Variants in LYPD1 observed in about 807,000 individuals in gnomAD.
LYPD1 encodes the protein ly6/PLAUR domain-containing protein 1.
Under a neutral mutation model 14.2 loss-of-function variants are expected in LYPD1, and 14 were observed. That is an observed-to-expected ratio of 0.99 (90% CI 0.65 to 1.54). The LOEUF (loss-of-function observed/expected upper bound fraction) is 1.54. Among genes scored for constraint, LYPD1 ranks in the 40% most tolerant of loss-of-function variants. LYPD1 has a pLI of 0.00. For missense variants in LYPD1, 165 were observed against 175.7 expected, an observed-to-expected ratio of 0.94 and a Z score of 0.34; for synonymous variants, 85 against 70.6, an observed-to-expected ratio of 1.20 and a Z score of -1.02.
intron 2 of LYPD1, among the ~76,000 whole-genome samples, chr2:132,651,914 G>A (rs1056929582): frequency 6.6e-6 from 1 of 152,204 alleles, no homozygotes. Context: ...ACACGATGAG[G>A]CATCTCTGAA....
intron 2 of LYPD1, among the ~76,000 whole-genome samples, chr2:132,648,154 T>A (rs943259535): frequency 1.3e-5 from 2 of 152,254 alleles, no homozygotes; most frequent in African/African-American, 4.8e-5. Flanking sequence ...TCCATGGCCC[T>A]TTTTAGGAAA....
upstream of LYPD1, chr2:132,671,110 G>T (rs1180158530): frequency 6.6e-6 from 1 of 152,452 alleles, no homozygotes; most frequent in Non-Finnish European, 1.5e-5. Flanking sequence ...CCCAGCCTCG[G>T]ACTCGGCCTC....
At chr2:132,646,441 A>AGAT in intron 2 of LYPD1, 161 bp from the exon 3 acceptor site, 1 of 420,472 alleles carries the variant, frequency 2.4e-6, no homozygotes, top group Non-Finnish European at 4.2e-6. Flanking sequence ...TTGATATTCA[A>AGAT]GATAGATGGT....
chr2:132,648,047 C>T (rs375187024), intron 2 of LYPD1, among the ~76,000 whole-genome samples: 36 of 152,120 alleles, frequency 2.4e-4, no homozygotes, highest in African/African-American at 8.0e-4. Flanking sequence ...AAGATAAAGT[C>T]GAGGTACAGA....
intron 2 of LYPD1, among the ~76,000 whole-genome samples, chr2:132,654,849 A>G (rs1682497857): frequency 6.6e-6 from 1 of 151,956 alleles, no homozygotes; most frequent in African/African-American, 2.4e-5. Flanking sequence ...ACCAGGTTCA[A>G]GTGATTTTCC....
Position 132,644,114 on chromosome 2 carries a change from G to GTAAC in LYPD1, c.*1927_*1930dup, listed in dbSNP as rs1681932604. 2.6e-5 allele frequency among the ~76,000 whole-genome samples: 4 copies of GTAAC among 152,314 alleles called. No homozygotes were observed. The South Asian group carries it at 8.3e-4, about 32-fold the overall frequency. On this transcript the variant is annotated 3_prime_UTR_variant, in exon 3 of 3. Coordinates refer to ENST00000397463, the MANE Select transcript of LYPD1 (RefSeq NM_144586.7). ...TTTGTTCTTTTTTGCTTTTGTCACT[G>GTAAC]TAACTAAACTCTCATGATACCTGTG...
At chr2:132,650,790 A>G (rs988205793) in intron 2 of LYPD1, among the ~76,000 whole-genome samples, 1 of 152,112 alleles carries the variant, frequency 6.6e-6, no homozygotes, top group Admixed American at 6.6e-5. Context: ...ATGCAGTTTT[A>G]AGAGCTTTAT....
intron 2 of LYPD1, among the ~76,000 whole-genome samples, chr2:132,648,469 T>C (rs1682230950): frequency 9.7e-6 from 1 of 102,578 alleles, no homozygotes; most frequent in Non-Finnish European, 1.9e-5. Flanking sequence ...AAAGTCCGTG[T>C]GTTTGCACAC....
intron 2 of LYPD1, among the ~76,000 whole-genome samples, chr2:132,648,364 C>T (rs776045834): frequency 2.6e-5 from 4 of 152,216 alleles, no homozygotes; most frequent in Non-Finnish European, 4.4e-5. Context: ...CCAGGCCCTC[C>T]GCCGTGTTCC....
intron 2 of LYPD1, among the ~76,000 whole-genome samples, chr2:132,647,503 T>G (rs1048406776): frequency 6.6e-6 from 1 of 152,204 alleles, no homozygotes; most frequent in African/African-American, 2.4e-5. Context: ...CGACTAACTT[T>G]TGTAGTTTTA....
intron 1 of LYPD1, among the ~76,000 whole-genome samples, chr2:132,668,955 G>A (rs1683456698): frequency 6.6e-6 from 1 of 152,232 alleles, no homozygotes; most frequent in Admixed American, 6.5e-5. Context: ...GGCACCATTC[G>A]TGATTACATT....
Position 132,646,171 on chromosome 2 carries a change from G to T in LYPD1, c.300C>A (p.Cys100Ter). 1.2e-6 allele frequency: 2 copies of T among 1,611,216 alleles called. No individual in the cohort carries two copies. The highest frequency in any genetic ancestry group is 1.7e-6 in the Non-Finnish European group (2 of 1,178,440). ...PGKLNSVCIS[C>*]CNTPLCNGPR... is the part of the protein sequence containing the mutation. ...GCCCGTTACAAAGAGGGGTGTTGCAGCAGCTGATGCAAACTGAGTTCAGTT... is the reference window on the plus strand; with the variant it reads ...GCCCGTTACAAAGAGGGGTGTTGCATCAGCTGATGCAAACTGAGTTCAGTT... Residue 100 changes from cysteine to a stop codon, truncating the protein, a stop_gained, in exon 3 of 3, where the codon TGC (cysteine) becomes TGA (stop). Transcript: ENST00000397463. LOFTEE classifies it high-confidence loss of function.
rs777547577 is a variant in LYPD1 at position 132,645,205 on chromosome 2, G to T, written c.*840C>A. 1.2e-6 allele frequency: 2 copies of T among 1,614,124 alleles called. No homozygotes were observed. The highest frequency in any genetic ancestry group is 1.1e-5 in the South Asian group (1 of 91,074). On this transcript the variant is annotated 3_prime_UTR_variant, in exon 3 of 3. Transcript: ENST00000397463. ...CGACTGGACGAGGTCCTACTTCCGGGCGTACATGATCCTCCTCCCCTTCTC... is the reference window on the plus strand; with the variant it reads ...CGACTGGACGAGGTCCTACTTCCGGTCGTACATGATCCTCCTCCCCTTCTC...
At position 132,645,615 on chromosome 2, in the gene LYPD1, C is replaced by A; in HGVS notation, c.*430G>T. 1.2e-6 allele frequency: 2 copies of A among 1,604,766 alleles called. No homozygotes were observed. The highest frequency in any genetic ancestry group is 1.7e-6 in the Non-Finnish European group (2 of 1,175,244). On this transcript the variant is annotated 3_prime_UTR_variant, in exon 3 of 3. Coordinates refer to ENST00000397463, the MANE Select transcript of LYPD1 (RefSeq NM_144586.7). Reference sequence around the variant, plus strand: ...AGGAGCATGAAGTTTGAATGTCAAGCGAGGGAGCCTTGAGTGGGAACTGGC... The same window carrying A: ...AGGAGCATGAAGTTTGAATGTCAAGAGAGGGAGCCTTGAGTGGGAACTGGC...
chr2:132,650,241 G>A (rs1682304273), intron 2 of LYPD1, among the ~76,000 whole-genome samples: 1 of 152,134 alleles, frequency 6.6e-6, no homozygotes, highest in Non-Finnish European at 1.5e-5. Flanking sequence ...TAAGAAGAAT[G>A]CAAATTAAAA....
chr2:132,668,397 T>C lies in LYPD1; in HGVS notation c.190+3A>G, dbSNP rs2104929720. 1.2e-6 allele frequency: 2 copies of C among 1,603,434 alleles called. No individual in the cohort carries two copies. Among genetic ancestry groups the C allele is most frequent in the African/African-American group, 2.7e-5 (2 of 74,540 alleles). On this transcript the variant is annotated splice_donor_region_variant and intron_variant, in intron 2 of 2. Coordinates refer to ENST00000397463, the MANE Select transcript of LYPD1 (RefSeq NM_144586.7). ...GCGAGGGGGAGGGCTGCCAGGCTCT[T>C]ACCGGCACTTTGCTCCATCACTTCT...
chr2:132,656,525 A>T lies in LYPD1; in HGVS notation c.191-10245T>A, dbSNP rs570241642. 1.2e-4 allele frequency among the ~76,000 whole-genome samples: 19 copies of T among 152,034 alleles called. No homozygotes were observed. In the East Asian group the frequency reaches 3.5e-3, roughly 28 times the overall value. ...AAAGATCTTCGATCTGCATCCAAGT[A>T]TTTTTTTTGTCTGAAAGAACACTGT... On this transcript the variant is annotated intron_variant, in intron 2 of 2. Transcript: ENST00000397463.
intron 2 of LYPD1, among the ~76,000 whole-genome samples, chr2:132,647,915 G>T (rs985789200): frequency 8.5e-5 from 13 of 152,248 alleles, no homozygotes; most frequent in East Asian, 5.8e-4. Context: ...GGGAGGTAAA[G>T]AAGTACTTTA....
intron 2 of LYPD1, among the ~76,000 whole-genome samples, chr2:132,654,517 G>T (rs1242682993): frequency 6.6e-6 from 1 of 152,128 alleles, no homozygotes; most frequent in Admixed American, 6.5e-5. Context: ...CTGAGTAATA[G>T]GGTGAGTGCA....
Sources: gnomAD v4.1 joint callset for allele counts (sites outside exome capture counted in the v4.1 genomes callset) on GRCh38, gnomAD v4.1.1 for gene constraint, MANE v1.5 for transcripts, NCBI Gene and HGNC (gene_info 2026-07-23, HGNC 2026-07-21) for gene names.